ACTR3B: variants seen among roughly 807,000 people sequenced by gnomAD.
ACTR3B encodes actin related protein 3B, also known as actin-related protein 3B.
A neutral mutation model predicts 59.0 loss-of-function variants in ACTR3B; 8 were observed. That is an observed-to-expected ratio of 0.14 (90% CI 0.08 to 0.24). The LOEUF (loss-of-function observed/expected upper bound fraction) is 0.24, where lower values mean the gene tolerates loss of function less well. Among genes scored for constraint, ACTR3B ranks in the 10% least tolerant of loss-of-function variants. The probability of loss-of-function intolerance (pLI) is 1.00; values close to 1 mark genes in which losing one functional copy is unlikely to be tolerated. For synonymous variants in ACTR3B, 148 were observed against 197.9 expected (o/e 0.75, Z 2.12); for missense variants, 245 against 552.3 (o/e 0.44, Z 5.58).
Position 152,759,855 on chromosome 7 carries a change from G to C in ACTR3B, c.-28G>C, listed in dbSNP as rs1260878979. On this transcript the variant is annotated 5_prime_UTR_variant, in exon 1 of 12. Transcript: ENST00000256001. ...GCGACGGGGCGCTCTCGGGCTGCCGGCGGGGCCGAGCGCCGCGCGTCCCGA... is the reference window on the plus strand; with the variant it reads ...GCGACGGGGCGCTCTCGGGCTGCCGCCGGGGCCGAGCGCCGCGCGTCCCGA... 4 of 1,264,082 alleles carry C rather than the reference G, an allele frequency of 3.2e-6. No individual in the cohort carries two copies. In the East Asian group the frequency reaches 1.3e-4, roughly 41 times the overall value. 78.3% of individuals were successfully genotyped at this position (1,264,082 alleles called of 1,614,324 possible). A position where few individuals can be genotyped will look rare whatever the true frequency, so the allele number is the denominator to read the frequency against.
At chr7:152,809,361 GCA>G (rs1191512005) in intron 4 of ACTR3B, among the ~76,000 whole-genome samples, 1 of 151,848 alleles carries the variant, frequency 6.6e-6, no homozygotes, top group African/African-American at 2.4e-5. Flanking sequence ...AAGAAGTGAT[GCA>G]CACACAGTGC....
chr7:152,761,114 A>T (rs1430053036), intron 1 of ACTR3B, among the ~76,000 whole-genome samples: 1 of 152,170 alleles, frequency 6.6e-6, no homozygotes, highest in Admixed American at 6.5e-5. Flanking sequence ...TGTGGACTGG[A>T]AAAATCCTCT....
intron 4 of ACTR3B, among the ~76,000 whole-genome samples, chr7:152,805,871 G>T (rs183494855): frequency 8.5e-5 from 13 of 152,332 alleles, no homozygotes; most frequent in African/African-American, 3.1e-4. Context: ...TGTAGTTTTA[G>T]AGGGGCATGG....
rs190570141 is a variant in ACTR3B, at chr7:152,844,644, T to C, written c.952-7482T>C. On this transcript the variant is annotated intron_variant, in intron 9 of 11. Transcript: ENST00000256001. ...TCTTTCTTATTGTCTGAAATCCAGCTCTCAGTTTGGCTGGGTAAACTGGCC... is the reference window on the plus strand; with the variant it reads ...TCTTTCTTATTGTCTGAAATCCAGCCCTCAGTTTGGCTGGGTAAACTGGCC... Among the ~76,000 whole-genome samples the C allele has an allele frequency of 2.6e-5, 4 of 151,600 alleles. No individual in the cohort carries two copies. In the Admixed American group the frequency reaches 2.6e-4, roughly 10 times the overall value.
intron 1 of ACTR3B, among the ~76,000 whole-genome samples, chr7:152,764,469 TAA>T (rs879349991): frequency 7.0e-6 from 1 of 143,080 alleles, no homozygotes; most frequent in Admixed American, 7.0e-5. Flanking sequence ...CCGTCTCTAC[TAA>T]AAAAAAAAAG....
chr7:152,815,033 C>G (rs1169561573), intron 5 of ACTR3B, among the ~76,000 whole-genome samples: 1 of 151,342 alleles, frequency 6.6e-6, no homozygotes, highest in Non-Finnish European at 1.5e-5. Context: ...GTACTTGATT[C>G]TGAGGGACCC....
At chr7:152,814,886 A>G (rs1311628455) in intron 5 of ACTR3B, among the ~76,000 whole-genome samples, 1 of 152,094 alleles carries the variant, frequency 6.6e-6, no homozygotes, top group Non-Finnish European at 1.5e-5. Context: ...TTAAAGTCTA[A>G]TGCATTTTTA....
intron 2 of ACTR3B, among the ~76,000 whole-genome samples, chr7:152,785,332 G>C (rs892573822): frequency 3.1e-5 from 4 of 127,552 alleles, no homozygotes; most frequent in African/African-American, 1.2e-4. Flanking sequence ...ATGTCAAAGA[G>C]GTGGGAGTAA....
At chr7:152,829,352 T>C (rs984587301) in intron 9 of ACTR3B, among the ~76,000 whole-genome samples, 1 of 152,188 alleles carries the variant, frequency 6.6e-6, no homozygotes, top group African/African-American at 2.4e-5. Context: ...GACTAACATC[T>C]CCCCACTCCG....
chr7:152,789,060 C>CAA (rs2098185325), intron 2 of ACTR3B, among the ~76,000 whole-genome samples: 1 of 130,478 alleles, frequency 7.7e-6, no homozygotes, highest in South Asian at 2.2e-4. Context: ...CAAACAGCAA[C>CAA]AACAAACAAC....
At chr7:152,808,725 C>A (rs1161563591) in intron 4 of ACTR3B, among the ~76,000 whole-genome samples, 1 of 152,172 alleles carries the variant, frequency 6.6e-6, no homozygotes, top group East Asian at 1.9e-4. Flanking sequence ...GGTTCCTATT[C>A]AAGATGAGAA....
chr7:152,765,690 T>C (rs1360298806), intron 1 of ACTR3B, among the ~76,000 whole-genome samples: 4 of 152,178 alleles, frequency 2.6e-5, no homozygotes, highest in African/African-American at 7.2e-5. Flanking sequence ...TGAAGGCTTT[T>C]GGTCTCCCTG....
At chr7:152,830,270 C>T (rs1424642049) in intron 9 of ACTR3B, among the ~76,000 whole-genome samples, 2 of 152,086 alleles carry the variant, frequency 1.3e-5, no homozygotes, top group East Asian at 1.9e-4. Context: ...CCAGAGCCTA[C>T]GGTGGTGGGG....
At chr7:152,776,893 A>G in intron 1 of ACTR3B, among the ~76,000 whole-genome samples, 1 of 152,182 alleles carries the variant, frequency 6.6e-6, no homozygotes, top group Non-Finnish European at 1.5e-5. Context: ...GTAAGTATAC[A>G]TCTTCATTTT....
At position 152,789,528 on chromosome 7, in the gene ACTR3B, A is replaced by T. The variant is rs138225779; in HGVS notation, c.100+6286A>T. On this transcript the variant is annotated intron_variant, in intron 2 of 11. Coordinates refer to ENST00000256001, the MANE Select transcript of ACTR3B (RefSeq NM_020445.6). ...TAATTCATAATTGCCAGCATATGGG[A>T]ATGTTACTGAGGTTTGTAAGATTTT... Among the ~76,000 whole-genome samples the T allele has an allele frequency of 1.7e-3, 256 of 150,308 alleles. 1 individual carries two copies. The highest frequency in any genetic ancestry group is 3.2e-3 in the Non-Finnish European group (220 of 67,794).
At chr7:152,780,320 T>G (rs2098148110) in intron 1 of ACTR3B, among the ~76,000 whole-genome samples, 1 of 143,808 alleles carries the variant, frequency 7.0e-6, no homozygotes, top group Admixed American at 7.2e-5. Flanking sequence ...CACTGCACTC[T>G]CTAGCCTGCT....
chr7:152,842,093 A>G (rs1429261301), intron 9 of ACTR3B, among the ~76,000 whole-genome samples: 1 of 152,216 alleles, frequency 6.6e-6, no homozygotes, highest in Non-Finnish European at 1.5e-5. Context: ...GACTTCCCGA[A>G]GTTTCATATA....
intron 2 of ACTR3B, among the ~76,000 whole-genome samples, chr7:152,787,105 C>T (rs1211874178): frequency 6.6e-6 from 1 of 152,116 alleles, no homozygotes; most frequent in Non-Finnish European, 1.5e-5. Flanking sequence ...TAGGTATTGC[C>T]ACGTTACTCC....
rs566404714 is a variant in ACTR3B, at chr7:152,797,460, T to C, written c.101-3071T>C. ...GTGTATAATATGATGTTTTGAAGTA[T>C]ATATACATTGTGAATGGTTAAATCT... is the stretch of plus-strand genomic sequence containing the variant. On this transcript the variant is annotated intron_variant, in intron 2 of 11. Coordinates refer to ENST00000256001, the MANE Select transcript of ACTR3B (RefSeq NM_020445.6). Among the ~76,000 whole-genome samples, 6 of 152,344 alleles carry C rather than the reference T, an allele frequency of 3.9e-5. No homozygotes were observed. In the East Asian group the frequency reaches 1.2e-3, roughly 29 times the overall value.
Sources: gnomAD v4.1 joint callset for allele counts (sites outside exome capture counted in the v4.1 genomes callset) on GRCh38, gnomAD v4.1.1 for gene constraint, MANE v1.5 for transcripts, NCBI Gene and HGNC (gene_info 2026-07-23, HGNC 2026-07-21) for gene names.